The following FBXL18 variants were observed in gnomAD, a reference collection of about 807,000 sequenced individuals.
FBXL18 encodes F-box and leucine rich repeat protein 18.
Under a neutral mutation model 46.0 loss-of-function variants are expected in FBXL18, and 36 were observed. The observed-to-expected ratio is 0.78, with a 90% confidence interval of 0.60 to 1.03. The LOEUF is 1.03. Among genes scored for constraint, FBXL18 ranks in the 50% least tolerant of loss-of-function variants. The pLI is 0.00. For synonymous variants in FBXL18, 557 were observed against 465.3 expected, an observed-to-expected ratio of 1.20 and a Z score of -2.54; for missense variants, 977 against 1,004.1, an observed-to-expected ratio of 0.97 and a Z score of 0.36.
At chr7:5,491,494 C>A in intron 3 of FBXL18, 45 bp from the exon 4 acceptor site, 1 of 1,480,118 alleles carries the variant, frequency 6.8e-7, no homozygotes. Context: ...GAGGGGCTCG[C>A]AGGCCAGGCC....
downstream of FBXL18, among the ~76,000 whole-genome samples, chr7:5,473,354 G>A (rs974934627): frequency 3.3e-5 from 5 of 152,048 alleles, no homozygotes; most frequent in African/African-American, 2.4e-5. Context: ...GTCCCCATCC[G>A]GATCCTGGTG....
chr7:5,481,697 C>A lies in FBXL18; in HGVS notation c.*78G>T. On this transcript the variant is annotated 3_prime_UTR_variant, in exon 5 of 5. Coordinates refer to ENST00000382368, the MANE Select transcript of FBXL18 (RefSeq NM_024963.6). ...GAGAGAGGCCCCCTTCCTCTTGTGA[C>A]AAACCAAGGGTCCCTGGCGTCCCAG... is the stretch of plus-strand genomic sequence containing the variant. The A allele has an allele frequency of 6.6e-7, 1 of 1,523,186 alleles. No individual in the cohort carries two copies. The highest frequency in any genetic ancestry group is 9.0e-7 in the Non-Finnish European group (1 of 1,116,246). 94.4% of individuals were successfully genotyped at this position (1,523,186 alleles called of 1,614,324 possible).
Position 5,477,265 on chromosome 7 carries a change from G to A in FBXL18, c.*4510C>T, listed in dbSNP as rs1025497585. 1.5e-4 allele frequency among the ~76,000 whole-genome samples: 23 copies of A among 152,050 alleles called. No individual in the cohort carries two copies. The highest frequency in any genetic ancestry group is 2.5e-4 in the Non-Finnish European group (17 of 68,024). On this transcript the variant is annotated 3_prime_UTR_variant, in exon 5 of 5. Coordinates refer to ENST00000382368, the MANE Select transcript of FBXL18 (RefSeq NM_024963.6). This position sits in a 1 kb window ranked among gnomAD's most constrained non-coding sequence, Gnocchi z 4.4. ...ATGACCATCACAAAGACCCCCCAGCGTCGTGGTCAAGGCTACCAGGAACTG... is the reference window on the plus strand; with the variant it reads ...ATGACCATCACAAAGACCCCCCAGCATCGTGGTCAAGGCTACCAGGAACTG...
intron 4 of FBXL18, among the ~76,000 whole-genome samples, chr7:5,484,393 C>T (rs1421110748): frequency 1.3e-5 from 2 of 150,980 alleles, no homozygotes; most frequent in African/African-American, 4.9e-5. Context: ...ATGGCATGAA[C>T]CTGGAAGGTG....
rs768826418 is a variant in FBXL18 at position 5,491,452 on chromosome 7, G to C, written c.1782-3C>G. On this transcript the variant is annotated splice_polypyrimidine_tract_variant and splice_region_variant and intron_variant, in intron 3 of 4. Transcript: ENST00000382368. ...CGCTGAAGTAGGGCTGCTCCAGCCT[G>C]CGGGGAGAGAGGGCAGCTGTGAGGT... The C allele has an allele frequency of 7.6e-6, 12 of 1,569,152 alleles. No individual in the cohort carries two copies.
chr7:5,506,431 T>A (rs2128238558), intron 1 of FBXL18, among the ~76,000 whole-genome samples: 1 of 152,060 alleles, frequency 6.6e-6, no homozygotes, highest in Non-Finnish European at 1.5e-5. Context: ...ATTTTTGTAT[T>A]TTTAGTAGAG....
At chr7:5,472,856 A>T (rs891635372), downstream of FBXL18, among the ~76,000 whole-genome samples, 5 of 152,126 alleles carry the variant, frequency 3.3e-5, no homozygotes, top group African/African-American at 9.7e-5. Flanking sequence ...TGAACTTGGG[A>T]GTGCCTTGTT....
rs1010290536 is a variant in FBXL18, at chr7:5,502,137, G to A, written c.238-106C>T. On this transcript the variant is annotated intron_variant, in intron 2 of 4. Coordinates refer to ENST00000382368, the MANE Select transcript of FBXL18 (RefSeq NM_024963.6). ...CCCCCTTGCAGCAGCTGCTCCACCG[G>A]GAGGGAAGCTCCCCACCTCTCGCTG... 1.2e-4 allele frequency: 99 copies of A among 827,684 alleles called. No individual in the cohort carries two copies. The East Asian group carries it at 2.6e-3, about 22-fold the overall frequency. The allele number at this position is 827,684 out of a possible 1,614,324, so 51.3% of individuals were successfully genotyped here.
intron 4 of FBXL18, among the ~76,000 whole-genome samples, chr7:5,490,473 G>A (rs1407209262): frequency 2.6e-5 from 4 of 152,350 alleles, no homozygotes; most frequent in Middle Eastern, 3.4e-3. Context: ...TGTCACGAGG[G>A]GAAGCGGAGA....
At chr7:5,494,298 G>A (rs1784014969) in intron 3 of FBXL18, among the ~76,000 whole-genome samples, 1 of 151,788 alleles carries the variant, frequency 6.6e-6, no homozygotes, top group Admixed American at 6.6e-5. Flanking sequence ...AATTAGCTGG[G>A]CGTGGCGGGG....
chr7:5,487,841 G>A (rs1167389071), intron 4 of FBXL18, among the ~76,000 whole-genome samples: 2 of 146,050 alleles, frequency 1.4e-5, no homozygotes, highest in Non-Finnish European at 3.0e-5. Context: ...CCTGGGTGCT[G>A]CACCAGGTGC....
At chr7:5,495,216 C>A (rs1784044993) in intron 3 of FBXL18, among the ~76,000 whole-genome samples, 1 of 152,190 alleles carries the variant, frequency 6.6e-6, no homozygotes. Context: ...ACTCTGTGGG[C>A]ATGAAAGGTG....
In FBXL18 at chr7:5,501,477, G is replaced by A. The variant is rs757353896; in HGVS notation, c.792C>T (p.Ala264=). The A allele has an allele frequency of 1.2e-6, 2 of 1,613,792 alleles. No individual in the cohort carries two copies. The highest frequency in any genetic ancestry group is 1.7e-6 in the Non-Finnish European group (2 of 1,180,038). Residue 264 remains alanine (A), a synonymous_variant, in exon 3 of 5, where the codon GCC becomes GCT. Transcript: ENST00000382368. ...AGCTGCCAGGGACGGAGATGAGGAA[G>A]GCGTGGAGGTTCTGAGGAGTGCGGT... ...LSDRTPQNLH[A]FLISVPGSFA...
At chr7:5,510,328 A>C (rs1303082606) in intron 1 of FBXL18, among the ~76,000 whole-genome samples, 1 of 149,012 alleles carries the variant, frequency 6.7e-6, no homozygotes, top group Admixed American at 6.7e-5. Context: ...AAAAGAAAAG[A>C]AAAAAAAACC....
chr7:5,498,143 A>G (rs1228482107), intron 3 of FBXL18, among the ~76,000 whole-genome samples: 1 of 140,212 alleles, frequency 7.1e-6, no homozygotes, highest in Non-Finnish European at 1.5e-5. Context: ...TGCAGCGGCC[A>G]GTGGCGCGAT....
rs1237993871 is a variant in FBXL18 at position 5,478,099 on chromosome 7, G to A, written c.*3676C>T. 2 of 152,414 alleles carry A rather than the reference G, an allele frequency of 1.3e-5. No individual in the cohort carries two copies. The highest frequency in any genetic ancestry group is 6.5e-5 in the Admixed American group (1 of 15,288). 9.4% of individuals were successfully genotyped at this position (152,414 alleles called of 1,614,324 possible). On this transcript the variant is annotated 3_prime_UTR_variant, in exon 5 of 5. Coordinates refer to ENST00000382368, the MANE Select transcript of FBXL18 (RefSeq NM_024963.6). Reference sequence around the variant, plus strand: ...CAACCCTTGTGTGTTTGCAGCGCAAGAGGAGCTCAGCCCGTCCTGGCTGCC... The same window carrying A: ...CAACCCTTGTGTGTTTGCAGCGCAAAAGGAGCTCAGCCCGTCCTGGCTGCC...
intron 2 of FBXL18, among the ~76,000 whole-genome samples, chr7:5,504,289 G>A (rs984917928): frequency 2.0e-5 from 3 of 151,416 alleles, no homozygotes; most frequent in Admixed American, 6.6e-5. Flanking sequence ...AATTAGCTGG[G>A]CATGGTGGTG....
chr7:5,507,017 G>T (rs1784411037), intron 1 of FBXL18, among the ~76,000 whole-genome samples: 1 of 152,178 alleles, frequency 6.6e-6, no homozygotes, highest in Non-Finnish European at 1.5e-5. Context: ...ACAAAGGAAG[G>T]CAGAAGGCTT....
At chr7:5,471,396 C>T (rs1378402973), downstream of FBXL18, among the ~76,000 whole-genome samples, 1 of 152,208 alleles carries the variant, frequency 6.6e-6, no homozygotes, top group African/African-American at 2.4e-5. Context: ...CCTGCCTCAG[C>T]CTCCCAAGTA....
Sources: allele counts gnomAD v4.1 joint callset (sites outside exome capture counted in the v4.1 genomes callset), GRCh38; gene constraint gnomAD v4.1.1; non-coding constraint Gnocchi (gnomAD v3.1); transcripts MANE v1.5; gene names NCBI Gene and HGNC (gene_info 2026-07-23, HGNC 2026-07-21).